The following UBE2E2 variants were observed in gnomAD, a reference collection of about 807,000 sequenced individuals.
UBE2E2 encodes the protein ubiquitin conjugating enzyme E2 E2, also known as ubiquitin-conjugating enzyme E2 E2.
UBE2E2 carries 6 observed loss-of-function variants against 24.7 expected under a neutral mutation model. The ratio of observed to expected loss-of-function variants is 0.24; its 90% CI spans 0.13 to 0.48. UBE2E2 has a LOEUF of 0.48. Ranked by LOEUF, UBE2E2 falls within the 20% of genes least tolerant of loss-of-function variation. The pLI is 0.99. For missense variants in UBE2E2, 169 were observed against 245.0 expected (o/e 0.69, Z 2.07); for synonymous variants, 104 against 83.6 (o/e 1.24, Z -1.33).
intron 3 of UBE2E2, among the ~76,000 whole-genome samples, chr3:23,342,253 T>TG (rs1265126719): frequency 1.3e-5 from 2 of 150,992 alleles, no homozygotes; most frequent in African/African-American, 4.9e-5. Flanking sequence ...GGCACAATCA[T>TG]GGCTCACTGC....
chr3:23,546,806 T>C, intron 5 of UBE2E2, among the ~76,000 whole-genome samples: 1 of 152,144 alleles, frequency 6.6e-6, no homozygotes, highest in East Asian at 1.9e-4. Context: ...TTTTAAAAAT[T>C]ATCTTTTAAT....
chr3:23,273,936 A>G (rs972658320), intron 3 of UBE2E2: 6 of 152,270 alleles, frequency 3.9e-5, no homozygotes, highest in African/African-American at 1.2e-4. Flanking sequence ...TATATATGTA[A>G]TAAAGTGTGA....
chr3:23,312,612 T>A (rs1002313800), intron 3 of UBE2E2, among the ~76,000 whole-genome samples: 1 of 152,182 alleles, frequency 6.6e-6, no homozygotes, highest in African/African-American at 2.4e-5. Context: ...TTGTTTCTTT[T>A]GTTTTGATTT....
intron 3 of UBE2E2, among the ~76,000 whole-genome samples, chr3:23,297,039 T>G: frequency 6.6e-6 from 1 of 152,234 alleles, no homozygotes; most frequent in East Asian, 1.9e-4. Context: ...TGGTTTTGAT[T>G]TGCATTTCTC....
intron 4 of UBE2E2, among the ~76,000 whole-genome samples, chr3:23,510,480 G>A (rs60410861): frequency 0.03 from 4,491 of 152,046 alleles, 123 homozygotes; most frequent in East Asian, 0.14. Flanking sequence ...GGTGGCACAC[G>A]CCCGTAATCC....
At chr3:23,469,252 CAT>C (rs1344436177) in intron 3 of UBE2E2, among the ~76,000 whole-genome samples, 18 of 152,148 alleles carry the variant, frequency 1.2e-4, no homozygotes, top group Admixed American at 1.2e-3. Context: ...AGGATTTAAA[CAT>C]ATCAATTTGT....
chr3:23,317,756 C>A (rs545251004), intron 3 of UBE2E2, among the ~76,000 whole-genome samples: 1 of 151,952 alleles, frequency 6.6e-6, no homozygotes, highest in Non-Finnish European at 1.5e-5. Context: ...TACCTCCTAC[C>A]GGGTCTCTCC....
chr3:23,215,308 A>G (rs199737912), intron 2 of UBE2E2, among the ~76,000 whole-genome samples: 3 of 152,120 alleles, frequency 2.0e-5, no homozygotes, highest in Admixed American at 2.0e-4. Flanking sequence ...CCAATAAATT[A>G]TACATTTATT....
At chr3:23,430,005 C>T (rs1216180517) in intron 3 of UBE2E2, among the ~76,000 whole-genome samples, 1 of 152,174 alleles carries the variant, frequency 6.6e-6, no homozygotes, top group African/African-American at 2.4e-5. Context: ...CTCAGCCTCC[C>T]ATGCAGCTGG....
At chr3:23,524,304 A>T (rs558055620) in intron 4 of UBE2E2, among the ~76,000 whole-genome samples, 3 of 152,212 alleles carry the variant, frequency 2.0e-5, no homozygotes, top group African/African-American at 7.2e-5. Flanking sequence ...AGTCTTGCCT[A>T]TACCTTAAAG....
rs1699085657 is a variant in UBE2E2, at chr3:23,474,386, C to A, written c.228-25222C>A. On this transcript the variant is annotated intron_variant, in intron 3 of 5. Coordinates refer to ENST00000396703, the MANE Select transcript of UBE2E2 (RefSeq NM_152653.4). This position sits in a 1 kb window ranked among gnomAD's most constrained non-coding sequence, Gnocchi z 4.0. The stretch of plus-strand genomic sequence containing the variant: ...ATTTATTTCTTACAGTCATTCTAGT[C>A]CTCATTTTAAAATGCAAATTTGGTA... 6.6e-6 allele frequency among the ~76,000 whole-genome samples: 1 copy of A among 151,974 alleles called. No homozygotes were observed.
intron 3 of UBE2E2, among the ~76,000 whole-genome samples, chr3:23,265,327 C>G (rs905767362): frequency 3.3e-5 from 5 of 152,094 alleles, no homozygotes; most frequent in African/African-American, 1.2e-4. Context: ...GTCTTTCTCA[C>G]TTCAGTTCCC....
intron 3 of UBE2E2, among the ~76,000 whole-genome samples, chr3:23,450,731 A>C (rs1698545709): frequency 6.6e-6 from 1 of 152,168 alleles, no homozygotes; most frequent in African/African-American, 2.4e-5. Context: ...TTGCAACTTA[A>C]TATGTATATA....
intron 3 of UBE2E2, among the ~76,000 whole-genome samples, chr3:23,448,546 G>T (rs1385695730): frequency 6.6e-6 from 1 of 152,176 alleles, no homozygotes; most frequent in African/African-American, 2.4e-5. Flanking sequence ...ATTAGTTCCT[G>T]TCGTGAAAGT....
intron 2 of UBE2E2, among the ~76,000 whole-genome samples, chr3:23,212,877 A>G (rs1048903016): frequency 6.6e-6 from 1 of 152,142 alleles, no homozygotes; most frequent in South Asian, 2.1e-4. Context: ...AATCATAGAT[A>G]TATAGTATAT....
intron 4 of UBE2E2, among the ~76,000 whole-genome samples, chr3:23,516,411 G>T (rs780115242): frequency 6.6e-6 from 1 of 152,126 alleles, no homozygotes; most frequent in African/African-American, 2.4e-5. Context: ...ACCTTACTCA[G>T]TTGGTATTAG....
chr3:23,589,652 T>C lies in UBE2E2; in HGVS notation c.509-82T>C. The C allele has an allele frequency of 6.9e-7, 1 of 1,440,274 alleles. No individual in the cohort carries two copies. The highest frequency in any genetic ancestry group is 9.7e-7 in the Non-Finnish European group (1 of 1,030,892). 89.2% of individuals were successfully genotyped at this position (1,440,274 alleles called of 1,614,324 possible). On this transcript the variant is annotated intron_variant, in intron 5 of 5. Transcript: ENST00000396703. The surrounding 1 kb of genome is among the most constrained non-coding windows in gnomAD (Gnocchi z 4.1). ...AACAGCAGCTTCTCATCTCCTACCCTCCCACTCCTTGCCAGCTTTCTGAAC... is the reference window on the plus strand; with the variant it reads ...AACAGCAGCTTCTCATCTCCTACCCCCCCACTCCTTGCCAGCTTTCTGAAC...
intron 3 of UBE2E2, among the ~76,000 whole-genome samples, chr3:23,255,992 C>T (rs900225299): frequency 6.6e-6 from 1 of 152,192 alleles, no homozygotes; most frequent in Non-Finnish European, 1.5e-5. Flanking sequence ...AAATAAAAGA[C>T]AGCTTCTGAG....
At chr3:23,327,783 A>G (rs1258095641) in intron 3 of UBE2E2, among the ~76,000 whole-genome samples, 1 of 152,180 alleles carries the variant, frequency 6.6e-6, no homozygotes, top group Non-Finnish European at 1.5e-5. Flanking sequence ...CCTGCTCATG[A>G]GGTTCAGACA....
Sources: allele counts gnomAD v4.1 joint callset (sites outside exome capture counted in the v4.1 genomes callset), GRCh38; gene constraint gnomAD v4.1.1; non-coding constraint Gnocchi (gnomAD v3.1); transcripts MANE v1.5; gene names NCBI Gene and HGNC (gene_info 2026-07-23, HGNC 2026-07-21).